Variants in NEGR1 observed in about 807,000 individuals in gnomAD.
The protein encoded by NEGR1 is IgLON family member 4.
Under a neutral mutation model 40.9 loss-of-function variants are expected in NEGR1, and 10 were observed. The ratio of observed to expected loss-of-function variants is 0.24; its 90% CI spans 0.15 to 0.42. The LOEUF (loss-of-function observed/expected upper bound fraction) is 0.42, where lower values mean the gene tolerates loss of function less well. Among genes scored for constraint, NEGR1 ranks in the 10% least tolerant of loss-of-function variants. The probability of loss-of-function intolerance (pLI) is 1.00; values close to 1 mark genes in which losing one functional copy is unlikely to be tolerated. For missense variants in NEGR1, 352 were observed against 438.9 expected (o/e 0.80, Z 1.77); for synonymous variants, 185 against 166.8 (o/e 1.11, Z -0.84).
At chr1:72,222,044 C>T (rs1285531818) in intron 1 of NEGR1, among the ~76,000 whole-genome samples, 1 of 152,086 alleles carries the variant, frequency 6.6e-6, no homozygotes, top group Non-Finnish European at 1.5e-5. Context: ...TGGTAGTCAT[C>T]AGGCCAGTAC....
At chr1:72,227,217 T>C (rs1231061972) in intron 1 of NEGR1, among the ~76,000 whole-genome samples, 1 of 152,034 alleles carries the variant, frequency 6.6e-6, no homozygotes, top group African/African-American at 2.4e-5. Context: ...CATGGGAAAG[T>C]CATGAGAATT....
intron 5 of NEGR1, among the ~76,000 whole-genome samples, chr1:71,607,764 G>C (rs1257243868): frequency 1.3e-5 from 2 of 152,120 alleles, no homozygotes; most frequent in African/African-American, 2.4e-5. Flanking sequence ...AGCAATCTCG[G>C]CTCACTGTAA....
intron 6 of NEGR1, among the ~76,000 whole-genome samples, chr1:71,539,044 G>A (rs1056209351): frequency 2.6e-5 from 4 of 151,702 alleles, no homozygotes; most frequent in African/African-American, 9.7e-5. Context: ...TGATAATAGA[G>A]TTTCTGGAGG....
At chr1:71,568,176 G>A (rs1284465616) in intron 6 of NEGR1, among the ~76,000 whole-genome samples, 1 of 152,104 alleles carries the variant, frequency 6.6e-6, no homozygotes, top group African/African-American at 2.4e-5. Flanking sequence ...GACTTCCTTA[G>A]CTGTTTTAGT....
At chr1:72,126,134 T>TGTGA (rs1405372516) in intron 1 of NEGR1, among the ~76,000 whole-genome samples, 3 of 136,986 alleles carry the variant, frequency 2.2e-5, no homozygotes, top group East Asian at 4.1e-4. Flanking sequence ...TGTGTGTGTG[T>TGTGA]GAAAGACAGA....
At chr1:71,928,189 TATATAC>T (rs1464512306) in intron 2 of NEGR1, among the ~76,000 whole-genome samples, 58 of 4,826 alleles carry the variant, frequency 0.012, no homozygotes, top group East Asian at 0.02. Flanking sequence ...CACACATATG[TATATAC>T]GTATATATGT....
At chr1:72,263,604 C>T (rs567230243) in intron 1 of NEGR1, among the ~76,000 whole-genome samples, 108 of 151,654 alleles carry the variant, frequency 7.1e-4, no homozygotes, top group African/African-American at 2.2e-3. Context: ...CTTAAAATTG[C>T]TTCTTAAAAG....
chr1:71,633,453 TG>T (rs2101566692), intron 4 of NEGR1, among the ~76,000 whole-genome samples: 1 of 152,220 alleles, frequency 6.6e-6, no homozygotes, highest in Non-Finnish European at 1.5e-5. Flanking sequence ...AAGAATGGAA[TG>T]GAGGAGTTTG....
intron 1 of NEGR1, among the ~76,000 whole-genome samples, chr1:72,218,311 G>T (rs1277633479): frequency 6.6e-6 from 1 of 151,604 alleles, no homozygotes; most frequent in Non-Finnish European, 1.5e-5. Context: ...TTCCAACGAG[G>T]ATTTTATAAA....
At chr1:71,988,331 A>T (rs906089188) in intron 1 of NEGR1, among the ~76,000 whole-genome samples, 5 of 152,094 alleles carry the variant, frequency 3.3e-5, no homozygotes, top group African/African-American at 1.2e-4. Flanking sequence ...TGAGGTCAGG[A>T]GATCGAGACC....
intron 6 of NEGR1, among the ~76,000 whole-genome samples, chr1:71,478,355 C>T (rs1424573314): frequency 6.6e-6 from 1 of 151,998 alleles, no homozygotes; most frequent in Non-Finnish European, 1.5e-5. Context: ...ACCCGCTTTT[C>T]CAGCCTCATG....
At chr1:71,747,096 T>G (rs2101683015) in intron 3 of NEGR1, among the ~76,000 whole-genome samples, 1 of 152,324 alleles carries the variant, frequency 6.6e-6, no homozygotes, top group South Asian at 2.1e-4. Context: ...CTTATGACTA[T>G]TTCCTCTAGT....
chr1:71,579,824 T>C (rs1206736334), intron 6 of NEGR1, among the ~76,000 whole-genome samples: 1 of 152,166 alleles, frequency 6.6e-6, no homozygotes, highest in Non-Finnish European at 1.5e-5. Flanking sequence ...TCTCTCTGGC[T>C]TCATAGAATT....
At chr1:71,626,612 C>T (rs1315790301) in intron 4 of NEGR1, among the ~76,000 whole-genome samples, 1 of 151,894 alleles carries the variant, frequency 6.6e-6, no homozygotes, top group Non-Finnish European at 1.5e-5. Flanking sequence ...ACACCAAAAG[C>T]AATGGCAACA....
intron 1 of NEGR1, among the ~76,000 whole-genome samples, chr1:71,966,601 T>A (rs1257439752): frequency 6.6e-6 from 1 of 152,208 alleles, no homozygotes; most frequent in African/African-American, 2.4e-5. Flanking sequence ...AAATTTCTAA[T>A]TGTTTCTAAC....
At chr1:71,492,351 T>G (rs778911525) in intron 6 of NEGR1, among the ~76,000 whole-genome samples, 17 of 152,026 alleles carry the variant, frequency 1.1e-4, no homozygotes, top group Non-Finnish European at 2.4e-4. Context: ...CCATTTATAA[T>G]AGTGTCAGTA....
chr1:71,747,103 T>C (rs556516161), intron 3 of NEGR1, among the ~76,000 whole-genome samples: 7 of 152,284 alleles, frequency 4.6e-5, no homozygotes, highest in African/African-American at 1.7e-4. Context: ...CTATTTCCTC[T>C]AGTGAATAGT....
intron 1 of NEGR1, among the ~76,000 whole-genome samples, chr1:71,991,521 C>A (rs1354286697): frequency 1.3e-5 from 2 of 152,184 alleles, no homozygotes; most frequent in Non-Finnish European, 2.9e-5. Flanking sequence ...ATCTGAAGAG[C>A]ATTGTGTGGT....
At chr1:71,836,314 T>C (rs1659026301) in intron 2 of NEGR1, among the ~76,000 whole-genome samples, 2 of 150,082 alleles carry the variant, frequency 1.3e-5, no homozygotes, top group South Asian at 4.2e-4. Context: ...TAGCTGGGAG[T>C]GGTCCCGGGT....
Sources: allele counts gnomAD v4.1 joint callset (sites outside exome capture counted in the v4.1 genomes callset), GRCh38; gene constraint gnomAD v4.1.1; transcripts MANE v1.5; gene names NCBI Gene and HGNC (gene_info 2026-07-23, HGNC 2026-07-21).